Variants in SLC35F1 observed in about 807,000 individuals in gnomAD.
The protein encoded by SLC35F1 is solute carrier family 35 member F1, also known as chromosome 6 open reading frame 169.
In SLC35F1, 14 loss-of-function variants were observed where a neutral mutation model predicts 48.7. The ratio of observed to expected loss-of-function variants is 0.29; its 90% CI spans 0.19 to 0.45. The LOEUF is 0.45. Ranked by LOEUF, SLC35F1 falls within the 20% of genes least tolerant of loss-of-function variation. The pLI is 1.00. For missense variants in SLC35F1, 404 were observed against 500.0 expected, an observed-to-expected ratio of 0.81 and a Z score of 1.83; for synonymous variants, 190 against 202.2, an observed-to-expected ratio of 0.94 and a Z score of 0.51.
intron 1 of SLC35F1, among the ~76,000 whole-genome samples, chr6:117,927,398 G>A (rs544310764): frequency 4.7e-4 from 72 of 152,232 alleles, no homozygotes; most frequent in African/African-American, 1.7e-3. Flanking sequence ...AATAATCTTT[G>A]ATCCTGAAAG....
chr6:117,977,796 T>A (rs978908957), intron 1 of SLC35F1, among the ~76,000 whole-genome samples: 2 of 152,150 alleles, frequency 1.3e-5, no homozygotes, highest in Non-Finnish European at 2.9e-5. Flanking sequence ...TGGTCATTGA[T>A]TTTTCTTTTA....
At chr6:117,973,982 A>G (rs948326886) in intron 1 of SLC35F1, among the ~76,000 whole-genome samples, 1 of 152,174 alleles carries the variant, frequency 6.6e-6, no homozygotes, top group Non-Finnish European at 1.5e-5. Flanking sequence ...TGCAGCTGGT[A>G]TGCATATCCA....
At chr6:117,998,044 G>A (rs1354834503) in intron 1 of SLC35F1, among the ~76,000 whole-genome samples, 2 of 147,658 alleles carry the variant, frequency 1.4e-5, no homozygotes, top group African/African-American at 5.1e-5. Context: ...CACGTGCAGA[G>A]ACACACATAG....
chr6:118,100,688 G>A (rs951070759), intron 1 of SLC35F1, among the ~76,000 whole-genome samples: 2 of 152,130 alleles, frequency 1.3e-5, no homozygotes, highest in African/African-American at 2.4e-5. Context: ...GGCAGCTCAC[G>A]TGAGCCTCAG....
chr6:117,945,355 G>T (rs887649198), intron 1 of SLC35F1, among the ~76,000 whole-genome samples: 4 of 152,168 alleles, frequency 2.6e-5, no homozygotes, highest in Non-Finnish European at 5.9e-5. Flanking sequence ...TCCACATATA[G>T]TCACAAATTT....
At chr6:118,176,090 T>C (rs1254708034) in intron 2 of SLC35F1, among the ~76,000 whole-genome samples, 1 of 152,104 alleles carries the variant, frequency 6.6e-6, no homozygotes, top group Non-Finnish European at 1.5e-5. Flanking sequence ...ATCCTGATAA[T>C]GAGCCAAAAT....
chr6:118,245,820 T>A (rs1408669830), intron 3 of SLC35F1, among the ~76,000 whole-genome samples: 1 of 152,204 alleles, frequency 6.6e-6, no homozygotes, highest in Non-Finnish European at 1.5e-5. Flanking sequence ...GTGTGGGGCT[T>A]CTGCCTCCCA....
chr6:118,127,060 G>A (rs1250380933), intron 1 of SLC35F1, among the ~76,000 whole-genome samples: 3 of 150,606 alleles, frequency 2.0e-5, no homozygotes, highest in African/African-American at 7.3e-5. Context: ...TCTTGTGCCA[G>A]TTTTCAAAGG....
At chr6:118,133,640 A>T (rs1156967939) in intron 1 of SLC35F1, among the ~76,000 whole-genome samples, 1 of 152,246 alleles carries the variant, frequency 6.6e-6, no homozygotes, top group Non-Finnish European at 1.5e-5. Flanking sequence ...GCTCTCAAGT[A>T]GAAATAGTTT....
At chr6:118,144,711 T>A (rs189458137) in intron 1 of SLC35F1, among the ~76,000 whole-genome samples, 113 of 151,926 alleles carry the variant, frequency 7.4e-4, no homozygotes, top group African/African-American at 2.6e-3. Context: ...GAAAATATTA[T>A]CATTACTTTA....
At chr6:118,295,756 T>C (rs2114653317) in intron 7 of SLC35F1, among the ~76,000 whole-genome samples, 1 of 152,354 alleles carries the variant, frequency 6.6e-6, no homozygotes, top group South Asian at 2.1e-4. Flanking sequence ...TGCCCAAATG[T>C]AATTAGAAAT....
chr6:117,977,031 A>G (rs1024936137), intron 1 of SLC35F1, among the ~76,000 whole-genome samples: 2 of 152,200 alleles, frequency 1.3e-5, no homozygotes, highest in African/African-American at 4.8e-5. Flanking sequence ...TTTATTAATG[A>G]ACATTTATAC....
intron 1 of SLC35F1, among the ~76,000 whole-genome samples, chr6:118,090,525 C>G (rs1164259338): frequency 6.6e-6 from 1 of 152,022 alleles, no homozygotes; most frequent in Non-Finnish European, 1.5e-5. Context: ...AAGGATGGAA[C>G]CAACAATATA....
At chr6:118,076,263 A>C (rs192078759) in intron 1 of SLC35F1, among the ~76,000 whole-genome samples, 6 of 152,294 alleles carry the variant, frequency 3.9e-5, no homozygotes, top group African/African-American at 1.4e-4. Flanking sequence ...TAAATACTTA[A>C]TTTATTAAGA....
chr6:118,165,921 A>G (rs1774311158), intron 2 of SLC35F1, among the ~76,000 whole-genome samples: 2 of 152,190 alleles, frequency 1.3e-5, no homozygotes, highest in South Asian at 2.1e-4. Context: ...ATCTCCACCA[A>G]TTATTTGGAA....
At chr6:118,272,632 T>C (rs1402337467) in intron 4 of SLC35F1, among the ~76,000 whole-genome samples, 1 of 151,618 alleles carries the variant, frequency 6.6e-6, no homozygotes, top group East Asian at 1.9e-4. Flanking sequence ...CAGCTTTAGC[T>C]AAGCAAACTT....
chr6:118,293,529 C>G (rs750459880), intron 7 of SLC35F1, among the ~76,000 whole-genome samples: 1 of 152,158 alleles, frequency 6.6e-6, no homozygotes, highest in Non-Finnish European at 1.5e-5. Context: ...GTCCCTCTTA[C>G]CTCATAAAGT....
chr6:118,133,297 A>G (rs944966649), intron 1 of SLC35F1, among the ~76,000 whole-genome samples: 1 of 152,158 alleles, frequency 6.6e-6, no homozygotes, highest in African/African-American at 2.4e-5. Context: ...GTGCAAATGC[A>G]TGTAATCCCA....
At chr6:118,184,298 A>T (rs1299685158) in intron 2 of SLC35F1, among the ~76,000 whole-genome samples, 1 of 152,194 alleles carries the variant, frequency 6.6e-6, no homozygotes, top group Non-Finnish European at 1.5e-5. Flanking sequence ...CAGATGATGG[A>T]GTACCTGGCT....
Sources: allele counts gnomAD v4.1 joint callset (sites outside exome capture counted in the v4.1 genomes callset), GRCh38; gene constraint gnomAD v4.1.1; transcripts MANE v1.5; gene names NCBI Gene and HGNC (gene_info 2026-07-23, HGNC 2026-07-21).